CELF2: variants seen among roughly 807,000 people sequenced by gnomAD.
CELF2 encodes the protein CUGBP Elav-like family member 2.
Under a neutral mutation model 62.6 loss-of-function variants are expected in CELF2, and 8 were observed. The observed-to-expected ratio is 0.13, with a 90% CI of 0.07 to 0.23. The LOEUF (loss-of-function observed/expected upper bound fraction) is 0.23, where lower values mean the gene tolerates loss of function less well. Among genes scored for constraint, CELF2 ranks in the 10% least tolerant of loss-of-function variants. The pLI, the probability that CELF2 is intolerant of heterozygous loss-of-function variation, is 1.00. For synonymous variants in CELF2, 258 were observed against 250.0 expected, an observed-to-expected ratio of 1.03 and a Z score of -0.30; for missense variants, 333 against 671.0, an observed-to-expected ratio of 0.50 and a Z score of 5.56.
chr10:10,722,382 T>TA, the CELF2 span, among the ~76,000 whole-genome samples: 1 of 152,202 alleles, frequency 6.6e-6, no homozygotes, highest in Admixed American at 6.5e-5. Context: ...TAGTGCATGT[T>TA]AAAAAATATT....
the CELF2 span, among the ~76,000 whole-genome samples, chr10:10,639,571 G>A: frequency 6.6e-6 from 1 of 152,102 alleles, no homozygotes; most frequent in African/African-American, 2.4e-5. Flanking sequence ...AAATGACTTT[G>A]GAATAAGTAA....
Position 10,972,725 on chromosome 10 carries a change from G to A in CELF2, c.89+52726G>A, listed in dbSNP as rs1036471299. On this transcript the variant is annotated intron_variant, in intron 2 of 13. Coordinates refer to the CELF2 transcript ENST00000636488. This position sits in a 1 kb window ranked among gnomAD's most constrained non-coding sequence, Gnocchi z 4.4. Reference sequence around the variant, plus strand: ...TCCTGGGGCACTTCAAACTCAACGAGCCTCCAACTCACAAGGTCACGTCCA... The same window carrying A: ...TCCTGGGGCACTTCAAACTCAACGAACCTCCAACTCACAAGGTCACGTCCA... 1.3e-5 allele frequency among the ~76,000 whole-genome samples: 2 copies of A among 152,096 alleles called. No individual in the cohort carries two copies. The highest frequency in any genetic ancestry group is 2.9e-5 in the Non-Finnish European group (2 of 68,018).
chr10:10,511,740 A>G, the CELF2 span, among the ~76,000 whole-genome samples: 6 of 152,168 alleles, frequency 3.9e-5, no homozygotes, highest in Admixed American at 2.0e-4. Context: ...AATGTAAATA[A>G]TAATATTACC....
At chr10:11,035,917 T>C (rs770702670) in intron 1 of CELF2, among the ~76,000 whole-genome samples, 8 of 152,244 alleles carry the variant, frequency 5.3e-5, no homozygotes, top group Non-Finnish European at 8.8e-5. Flanking sequence ...GCTACACAAA[T>C]TCTGCTTGGC....
rs2054329329 is a variant in CELF2, at chr10:10,798,751, C to A, written c.-14C>A. 3 of 398,718 alleles carry A rather than the reference C, an allele frequency of 7.5e-6. No individual in the cohort carries two copies. In the South Asian group the frequency reaches 3.8e-4, roughly 51 times the overall value. The allele number at this position is 398,718 out of a possible 1,614,324, so 24.7% of individuals were successfully genotyped here. On this transcript the variant is annotated 5_prime_UTR_variant, in exon 1 of 14. Transcript: ENST00000636488. ...TCCTCCTCTCCGGACTCGCCCTCAGCCGGCTCCTAGACAATGGTTTCCTTG... is the reference window on the plus strand; with the variant it reads ...TCCTCCTCTCCGGACTCGCCCTCAGACGGCTCCTAGACAATGGTTTCCTTG...
chr10:11,240,938 C>A (rs556055728), intron 3 of CELF2, among the ~76,000 whole-genome samples: 1 of 152,192 alleles, frequency 6.6e-6, no homozygotes, highest in African/African-American at 2.4e-5. Flanking sequence ...CCGGACAGAC[C>A]TGGATTCGAA....
At chr10:10,677,340 A>G in the CELF2 span, among the ~76,000 whole-genome samples, 1 of 152,348 alleles carries the variant, frequency 6.6e-6, no homozygotes, top group Non-Finnish European at 1.5e-5. Flanking sequence ...GCATAAACCC[A>G]TGAATTGAAT....
At chr10:11,050,248 CA>C (rs1426415130) in intron 1 of CELF2, among the ~76,000 whole-genome samples, 1 of 152,178 alleles carries the variant, frequency 6.6e-6, no homozygotes, top group Non-Finnish European at 1.5e-5. Context: ...GTGAAGTGTT[CA>C]GAGAGAAGTC....
At chr10:10,483,915 A>T in the CELF2 span, among the ~76,000 whole-genome samples, 1 of 126,818 alleles carries the variant, frequency 7.9e-6, no homozygotes, top group Non-Finnish European at 1.7e-5. Flanking sequence ...TCTGTGTCTC[A>T]TCTCTCTCTC....
chr10:11,304,497 C>T (rs2094041217), intron 9 of CELF2, among the ~76,000 whole-genome samples: 1 of 152,216 alleles, frequency 6.6e-6, no homozygotes, highest in African/African-American at 2.4e-5. Flanking sequence ...CAAGGCAGTG[C>T]ATCTGGTGAG....
chr10:11,087,426 A>G (rs1270837600), intron 1 of CELF2, among the ~76,000 whole-genome samples: 1 of 152,214 alleles, frequency 6.6e-6, no homozygotes, highest in African/African-American at 2.4e-5. Flanking sequence ...GAGTGCCTGA[A>G]AGAGTTCTAA....
the CELF2 span, among the ~76,000 whole-genome samples, chr10:10,639,845 G>T: frequency 6.6e-6 from 1 of 152,124 alleles, no homozygotes; most frequent in African/African-American, 2.4e-5. Context: ...GTCAATGAAG[G>T]AGAGACTGAA....
At chr10:10,493,617 C>T in the CELF2 span, among the ~76,000 whole-genome samples, 4 of 151,598 alleles carry the variant, frequency 2.6e-5, no homozygotes, top group East Asian at 3.9e-4. Context: ...CTGCAGCCTC[C>T]GCCTCCCAGA....
intron 1 of CELF2, among the ~76,000 whole-genome samples, chr10:10,864,712 C>T (rs1489951651): frequency 1.3e-5 from 2 of 152,256 alleles, no homozygotes; most frequent in Non-Finnish European, 2.9e-5. Context: ...TCAAAGGCTC[C>T]ATCTCCAAAT....
At chr10:10,645,677 T>A in the CELF2 span, among the ~76,000 whole-genome samples, 1 of 152,102 alleles carries the variant, frequency 6.6e-6, no homozygotes, top group Admixed American at 6.6e-5. Context: ...ATAAATTTGC[T>A]TGATTAATGG....
the CELF2 span, among the ~76,000 whole-genome samples, chr10:10,673,502 T>A: frequency 6.6e-6 from 1 of 152,148 alleles, no homozygotes; most frequent in African/African-American, 2.4e-5. Context: ...TTTTGTTGAT[T>A]TTCTTTATAG....
upstream of CELF2, among the ~76,000 whole-genome samples, chr10:11,001,478 A>G (rs1186217855): frequency 6.6e-6 from 1 of 152,250 alleles, no homozygotes; most frequent in Admixed American, 6.5e-5. Context: ...AAACTTAAGA[A>G]TCATTAAGTT....
At chr10:10,589,353 G>A in the CELF2 span, among the ~76,000 whole-genome samples, 1 of 152,170 alleles carries the variant, frequency 6.6e-6, no homozygotes, top group Non-Finnish European at 1.5e-5. Context: ...CAGAGTTAAA[G>A]GATTTGTTCT....
rs1214837118 is a variant in CELF2 at position 11,157,386 on chromosome 10, C to CT, written c.75-8099dup. 8.1e-6 allele frequency among the ~76,000 whole-genome samples: 1 copy of CT among 123,774 alleles called. No homozygotes were observed. The highest frequency in any genetic ancestry group is 3.0e-5 in the African/African-American group (1 of 33,132). The allele number at this position is 123,774 out of a possible 152,430, so 81.2% of individuals were successfully genotyped here. ...TTGTCTTTTGACTTTGATATCCGCCCTCCCCCCACACACACACACACAAAA... is the reference window on the plus strand; with the variant it reads ...TTGTCTTTTGACTTTGATATCCGCCCTTCCCCCCACACACACACACACAAAA... On this transcript the variant is annotated intron_variant, in intron 1 of 12. Transcript: ENST00000633077. This position sits in a 1 kb window ranked among gnomAD's most constrained non-coding sequence, Gnocchi z 4.9.
Sources: allele counts gnomAD v4.1 joint callset (sites outside exome capture counted in the v4.1 genomes callset), GRCh38; gene constraint gnomAD v4.1.1; non-coding constraint Gnocchi (gnomAD v3.1); transcripts MANE v1.5; gene names NCBI Gene and HGNC (gene_info 2026-07-23, HGNC 2026-07-21).